The following EZR variants were observed in gnomAD, a reference collection of about 807,000 sequenced individuals.
EZR encodes ezrin.
In EZR, 40 loss-of-function variants were observed where a neutral mutation model predicts 74.8. The observed-to-expected ratio is 0.53, with a 90% confidence interval of 0.42 to 0.70. The LOEUF is 0.70. EZR is among the 30% of genes least tolerant of loss of function. The probability of loss-of-function intolerance (pLI) is 0.00; values close to 1 mark genes in which losing one functional copy is unlikely to be tolerated. For synonymous variants in EZR, 341 were observed against 283.3 expected (o/e 1.20, Z -2.05); for missense variants, 678 against 755.8 (o/e 0.90, Z 1.21).
chr6:158,769,160 G>C (rs1425305306), intron 12 of EZR, among the ~76,000 whole-genome samples, 166 bp downstream of exon 12: 1 of 152,184 alleles, frequency 6.6e-6, no homozygotes, highest in Non-Finnish European at 1.5e-5. Flanking sequence ...CAGTAGTACA[G>C]CTGGTATTGG....
chr6:158,811,603 A>G (rs1476799552), intron 2 of EZR, among the ~76,000 whole-genome samples: 2 of 152,254 alleles, frequency 1.3e-5, no homozygotes, highest in Non-Finnish European at 2.9e-5. Context: ...GCTCACACCT[A>G]TAATCTCAAC....
At chr6:158,806,041 C>G (rs1583585625) in intron 2 of EZR, among the ~76,000 whole-genome samples, 1 of 152,216 alleles carries the variant, frequency 6.6e-6, no homozygotes, top group African/African-American at 2.4e-5. Flanking sequence ...TATGGGCCCC[C>G]CAAAACATTG....
chr6:158,785,279 C>A, intron 5 of EZR, 30 bp downstream of exon 5: 1 of 1,607,516 alleles, frequency 6.2e-7, no homozygotes, highest in Non-Finnish European at 8.5e-7. Context: ...CATGACTGCT[C>A]CTGCCCAGGC....
chr6:158,795,351 A>C (rs1777045086), intron 2 of EZR, among the ~76,000 whole-genome samples: 1 of 152,126 alleles, frequency 6.6e-6, no homozygotes, highest in Non-Finnish European at 1.5e-5. Flanking sequence ...AGGCAGGAGG[A>C]TCTCAAGGCG....
At chr6:158,815,002 T>C (rs899038815) in intron 2 of EZR, among the ~76,000 whole-genome samples, 6 of 152,326 alleles carry the variant, frequency 3.9e-5, no homozygotes, top group Admixed American at 3.9e-4. Flanking sequence ...GGGTTAACAG[T>C]TGCAATGAAT....
chr6:158,817,556 A>T (rs2128578517), intron 2 of EZR, among the ~76,000 whole-genome samples: 1 of 152,362 alleles, frequency 6.6e-6, no homozygotes, highest in African/African-American at 2.4e-5. Context: ...GCTGGTGTAC[A>T]GGGCACCGCT....
intron 2 of EZR, among the ~76,000 whole-genome samples, chr6:158,797,869 A>G (rs982627840): frequency 2.0e-5 from 3 of 152,262 alleles, no homozygotes; most frequent in Admixed American, 6.5e-5. Flanking sequence ...TGGAAAATGT[A>G]TAATTCAGTG....
At chr6:158,767,774 TTA>T (rs1332182466) in intron 12 of EZR, among the ~76,000 whole-genome samples, 1 of 152,078 alleles carries the variant, frequency 6.6e-6, no homozygotes, top group Non-Finnish European at 1.5e-5. Flanking sequence ...ACTCTAGACA[TTA>T]TATAATTTTT....
intron 2 of EZR, among the ~76,000 whole-genome samples, chr6:158,793,019 G>A (rs78761655): frequency 7.6e-4 from 115 of 151,646 alleles, no homozygotes; most frequent in African/African-American, 2.6e-3. Context: ...AACAATTATT[G>A]CAAGTCTAAA....
chr6:158,775,229 T>A (rs1176068331), intron 8 of EZR, among the ~76,000 whole-genome samples: 3 of 152,066 alleles, frequency 2.0e-5, no homozygotes, highest in African/African-American at 7.2e-5. Flanking sequence ...GATGGGGTTT[T>A]CACTGTGTTG....
At chr6:158,800,773 G>T (rs969239704) in intron 2 of EZR, among the ~76,000 whole-genome samples, 29 of 152,218 alleles carry the variant, frequency 1.9e-4, no homozygotes, top group African/African-American at 7.0e-4. Flanking sequence ...CTGCACTCCA[G>T]CCTGGGTGAC....
At chr6:158,778,067 T>C (rs888582677) in intron 7 of EZR, among the ~76,000 whole-genome samples, 4 of 152,220 alleles carry the variant, frequency 2.6e-5, no homozygotes, top group African/African-American at 7.2e-5. Context: ...CCTCCTTACA[T>C]TGAAAGGCTG....
At position 158,771,680 on chromosome 6, in the gene EZR, G is replaced by C. The variant is rs568307830; in HGVS notation, c.796-273C>G. 2.0e-5 allele frequency among the ~76,000 whole-genome samples: 3 copies of C among 152,340 alleles called. No individual in the cohort carries two copies. In the East Asian group the frequency reaches 5.8e-4, roughly 29 times the overall value. On this transcript the variant is annotated intron_variant, in intron 8 of 13. Coordinates refer to ENST00000367075, the MANE Select transcript of EZR (RefSeq NM_001111077.2). ...AGGGCAGGTGCCGCGTGTGTGTGCA[G>C]TTGTGTGTGGGTAGGGACATCCTGC...
chr6:158,804,445 A>G (rs915918429), intron 2 of EZR, among the ~76,000 whole-genome samples: 3 of 152,356 alleles, frequency 2.0e-5, no homozygotes, highest in Admixed American at 6.5e-5. Flanking sequence ...CTAAGTCTTG[A>G]TTGTATACCA....
intron 2 of EZR, among the ~76,000 whole-genome samples, chr6:158,817,006 A>T (rs570565978): frequency 3.3e-5 from 5 of 152,022 alleles, no homozygotes; most frequent in Non-Finnish European, 5.9e-5. Context: ...ATTCGCTTGA[A>T]CCTGAGAGGC....
At chr6:158,768,749 G>C (rs936593244) in intron 12 of EZR, among the ~76,000 whole-genome samples, 1 of 152,196 alleles carries the variant, frequency 6.6e-6, no homozygotes, top group African/African-American at 2.4e-5. Context: ...CCTCGCATCT[G>C]CAGAGCAACC....
intron 2 of EZR, among the ~76,000 whole-genome samples, chr6:158,799,524 G>T (rs1777147169): frequency 6.6e-6 from 1 of 152,242 alleles, no homozygotes; most frequent in Non-Finnish European, 1.5e-5. Context: ...TGAAACCTCA[G>T]ATCACAACAG....
chr6:158,818,256 G>A (rs1290227296), intron 1 of EZR, 90 bp from the exon 2 acceptor site: 3 of 650,776 alleles, frequency 4.6e-6, no homozygotes, highest in African/African-American at 3.8e-5. Context: ...GCGCGCTGCC[G>A]CTTAAGAACC....
At chr6:158,778,408 G>GT (rs1439204822) in intron 7 of EZR, among the ~76,000 whole-genome samples, 3 of 152,206 alleles carry the variant, frequency 2.0e-5, no homozygotes, top group African/African-American at 7.2e-5. Flanking sequence ...CATAACTGCA[G>GT]TATCAAAACA....
Sources: allele counts gnomAD v4.1 joint callset (sites outside exome capture counted in the v4.1 genomes callset), GRCh38; gene constraint gnomAD v4.1.1; transcripts MANE v1.5; gene names NCBI Gene and HGNC (gene_info 2026-07-23, HGNC 2026-07-21).